COG5: variants seen among roughly 807,000 people sequenced by gnomAD.
COG5 encodes the protein conserved oligomeric Golgi complex subunit 5.
In COG5, 86 loss-of-function variants were observed where a neutral mutation model predicts 110.4. The ratio of observed to expected loss-of-function variants is 0.78; its 90% CI spans 0.65 to 0.93. The LOEUF is 0.93. Among genes scored for constraint, COG5 ranks in the 40% least tolerant of loss-of-function variants. COG5 has a pLI of 0.00. For missense variants in COG5, 1,077 were observed against 987.0 expected (o/e 1.09, Z -1.22); for synonymous variants, 360 against 334.6 (o/e 1.08, Z -0.83).
At position 107,533,865 on chromosome 7, in the gene COG5, C is replaced by T. The variant is rs111490748; in HGVS notation, c.418-6508G>A. On this transcript the variant is annotated intron_variant, in intron 5 of 21. Coordinates refer to ENST00000297135, the MANE Select transcript of COG5 (RefSeq NM_006348.5). ...GAACAACCCCAAGACAGATAATCAT[C>T]AGATTCACCAAGGTTGAAATGAAAG... 7.1e-3 allele frequency among the ~76,000 whole-genome samples: 1,072 copies of T among 151,576 alleles called. 44 individuals are homozygous for T. Among genetic ancestry groups the T allele is most frequent in the African/African-American group, 0.025 (1,021 of 40,910 alleles).
rs771063729 is a variant in COG5, at chr7:107,527,281, C to G, written c.494G>C (p.Gly165Ala). Residue 165 changes from glycine (G) to alanine (A), a missense_variant, in exon 6 of 22, where the codon GGA (glycine) becomes GCA (alanine). Gly to Ala is a moderately conservative substitution (Grantham distance 60, BLOSUM62 0). Coordinates refer to ENST00000297135, the MANE Select transcript of COG5 (RefSeq NM_006348.5). ...SKRLQGQLQG[G>A]SREITKAAQS... Reference sequence around the variant, plus strand: ...AGCAGCTTTTGTTATCTCTCTACTTCCCCCTTGCAGTTGTCCTTGGAGTCT... The same window carrying G: ...AGCAGCTTTTGTTATCTCTCTACTTGCCCCTTGCAGTTGTCCTTGGAGTCT... 18 of 1,610,420 alleles carry G rather than the reference C, an allele frequency of 1.1e-5. No individual in the cohort carries two copies. The South Asian group carries it at 2.0e-4, about 18-fold the overall frequency.
At chr7:107,257,814 A>T (rs1802995814) in intron 15 of COG5, among the ~76,000 whole-genome samples, 1 of 152,182 alleles carries the variant, frequency 6.6e-6, no homozygotes, top group Non-Finnish European at 1.5e-5. Context: ...GTCATCAGTG[A>T]TTATATCATA....
intron 3 of COG5, among the ~76,000 whole-genome samples, chr7:107,552,614 A>AAGT (rs1303795841): frequency 6.6e-6 from 1 of 152,210 alleles, no homozygotes; most frequent in Non-Finnish European, 1.5e-5. Context: ...TATTATTAAA[A>AAGT]AGTCAAAAAA....
At chr7:107,457,771 C>G (rs111880635) in intron 6 of COG5, among the ~76,000 whole-genome samples, 5 of 151,916 alleles carry the variant, frequency 3.3e-5, no homozygotes, top group African/African-American at 1.2e-4. Flanking sequence ...GAATAATGTT[C>G]TAAGGAAAAA....
chr7:107,479,517 T>G (rs187077355), intron 6 of COG5, among the ~76,000 whole-genome samples: 2 of 152,200 alleles, frequency 1.3e-5, no homozygotes, highest in East Asian at 3.9e-4. Flanking sequence ...TGTACAGATG[T>G]GACAGGCAAC....
intron 14 of COG5, among the ~76,000 whole-genome samples, chr7:107,269,836 T>A (rs1440700422): frequency 6.6e-6 from 1 of 152,204 alleles, no homozygotes; most frequent in Non-Finnish European, 1.5e-5. Context: ...CCAAAGCCCT[T>A]ACTATGGCCT....
intron 14 of COG5, among the ~76,000 whole-genome samples, chr7:107,265,213 T>G (rs1437079991): frequency 6.6e-6 from 1 of 152,208 alleles, no homozygotes; most frequent in African/African-American, 2.4e-5. Flanking sequence ...AGGAAGGATT[T>G]GGGAAAAGAT....
chr7:107,431,709 C>G (rs1201577236), intron 6 of COG5, among the ~76,000 whole-genome samples: 1 of 152,142 alleles, frequency 6.6e-6, no homozygotes, highest in South Asian at 2.1e-4. Context: ...AAACATAGCT[C>G]ACTGTGGTCT....
chr7:107,543,903 A>G (rs1017708584), intron 5 of COG5, among the ~76,000 whole-genome samples: 1 of 152,104 alleles, frequency 6.6e-6, no homozygotes, highest in African/African-American at 2.4e-5. Flanking sequence ...CCCAGGGTCC[A>G]GGCTCATCAC....
At chr7:107,272,132 G>A (rs999906760) in intron 14 of COG5, among the ~76,000 whole-genome samples, 1 of 152,058 alleles carries the variant, frequency 6.6e-6, no homozygotes, top group Admixed American at 6.5e-5. Context: ...GAAAATAAAT[G>A]TTGGGGCCCC....
At chr7:107,542,497 C>T (rs1802109395) in intron 5 of COG5, among the ~76,000 whole-genome samples, 1 of 152,088 alleles carries the variant, frequency 6.6e-6, no homozygotes. Context: ...AACCCTATAA[C>T]CCAGAAATCT....
Position 107,543,322 on chromosome 7 carries a change from C to A in COG5, c.417+4789G>T, listed in dbSNP as rs145632600. On this transcript the variant is annotated intron_variant, in intron 5 of 21. Coordinates refer to ENST00000297135, the MANE Select transcript of COG5 (RefSeq NM_006348.5). ...CAACACCAGCCAGCTAGCAAGGAGA[C>A]AGATGCTCGTTGAGGAGAGAAAAGA... 4.3e-3 allele frequency among the ~76,000 whole-genome samples: 659 copies of A among 152,276 alleles called. 7 individuals are homozygous for A. The highest frequency in any genetic ancestry group is 0.015 in the African/African-American group (624 of 41,548).
At chr7:107,491,949 T>C (rs1797996585) in intron 6 of COG5, among the ~76,000 whole-genome samples, 1 of 152,140 alleles carries the variant, frequency 6.6e-6, no homozygotes, top group African/African-American at 2.4e-5. Flanking sequence ...TTAATCTGCA[T>C]AATTCCAAAA....
intron 6 of COG5, chr7:107,481,047 G>A (rs1346084759): frequency 6.6e-6 from 1 of 152,120 alleles, no homozygotes; most frequent in Non-Finnish European, 1.5e-5. Flanking sequence ...ACCAGCAAGT[G>A]GTAAAATGTG....
chr7:107,209,304 G>A lies in COG5; in HGVS notation c.2375+1222C>T, dbSNP rs74494396. 2.8e-4 allele frequency: 257 copies of A among 918,276 alleles called. 2 individuals carry two copies. The African/African-American group carries it at 4.5e-3, about 16-fold the overall frequency. The allele number at this position is 918,276 out of a possible 1,614,324, so 56.9% of individuals were successfully genotyped here. A position where few individuals can be genotyped will look rare whatever the true frequency, so the allele number is the denominator to read the frequency against. On this transcript the variant is annotated intron_variant, in intron 21 of 21. Transcript: ENST00000297135. ...TTGAATGATGATGTAAAGGTTTTCC[G>A]GCTTGGCTAGTTAGGTGATTGTGAC... is the stretch of plus-strand genomic sequence containing the variant.
At chr7:107,476,271 A>G (rs1796990144) in intron 6 of COG5, among the ~76,000 whole-genome samples, 1 of 147,994 alleles carries the variant, frequency 6.8e-6, no homozygotes. Context: ...TGTATAATAG[A>G]AAGTTAACTA....
intron 17 of COG5, among the ~76,000 whole-genome samples, chr7:107,241,889 C>T (rs998787612): frequency 6.6e-6 from 1 of 152,138 alleles, no homozygotes. Flanking sequence ...TGAAACCATC[C>T]CCTTGCCTTA....
chr7:107,474,845 T>C lies in COG5; in HGVS notation c.538+52392A>G, dbSNP rs1796873949. 1 of 1,613,222 alleles carries C rather than the reference T, an allele frequency of 6.2e-7. No individual in the cohort carries two copies. The highest frequency in any genetic ancestry group is 8.5e-7 in the Non-Finnish European group (1 of 1,179,552). On this transcript the variant is annotated intron_variant, in intron 6 of 21. Transcript: ENST00000297135. The surrounding 1 kb of genome is among the most constrained non-coding windows in gnomAD (Gnocchi z 5.7). ...GCAAGAAAGAAAAAGACAATTTCTC[T>C]AACCACACAACATGAGGCTACAGAC...
chr7:107,451,462 G>A (rs1221826763), intron 6 of COG5, among the ~76,000 whole-genome samples: 4 of 152,112 alleles, frequency 2.6e-5, no homozygotes, highest in Non-Finnish European at 5.9e-5. Flanking sequence ...AATGGTGAAA[G>A]GATTGGTACC....
Sources: gnomAD v4.1 joint callset for allele counts (sites outside exome capture counted in the v4.1 genomes callset) on GRCh38, gnomAD v4.1.1 for gene constraint, Gnocchi (gnomAD v3.1) non-coding constraint, MANE v1.5 for transcripts, NCBI Gene and HGNC (gene_info 2026-07-23, HGNC 2026-07-21) for gene names.